The following DHX35 variants were observed in gnomAD, a reference collection of about 807,000 sequenced individuals.
DHX35 encodes DEAH-box helicase 35.
DHX35 carries 84 observed loss-of-function variants against 99.6 expected under a neutral mutation model. The observed-to-expected ratio is 0.84, with a 90% CI of 0.71 to 1.01. DHX35 has a LOEUF of 1.01. Among genes scored for constraint, DHX35 ranks in the 50% least tolerant of loss-of-function variants. The pLI, the probability that DHX35 is intolerant of heterozygous loss-of-function variation, is 0.00. For synonymous variants in DHX35, 331 were observed against 316.2 expected, an observed-to-expected ratio of 1.05 and a Z score of -0.50; for missense variants, 852 against 888.5, an observed-to-expected ratio of 0.96 and a Z score of 0.52.
intron 3 of DHX35, among the ~76,000 whole-genome samples, chr20:38,973,334 T>C (rs1252621036): frequency 2.0e-5 from 3 of 152,206 alleles, no homozygotes; most frequent in Non-Finnish European, 2.9e-5. Context: ...GACATATATG[T>C]AGGAAAGTAC....
intron 3 of DHX35, among the ~76,000 whole-genome samples, chr20:38,979,966 C>T (rs957120170): frequency 2.6e-5 from 4 of 151,998 alleles, no homozygotes; most frequent in Non-Finnish European, 5.9e-5. Flanking sequence ...AGCCAGAAGC[C>T]CAGATTTGGT....
At chr20:38,962,532 C>T in intron 1 of DHX35, 125 bp downstream of exon 1, 1 of 1,250,692 alleles carries the variant, frequency 8.0e-7, no homozygotes, top group Non-Finnish European at 1.1e-6. Context: ...GGCGCTGCCG[C>T]CTCTGTGCGG....
chr20:38,981,746 C>A (rs760763537), intron 3 of DHX35, among the ~76,000 whole-genome samples: 2 of 151,988 alleles, frequency 1.3e-5, no homozygotes, highest in Non-Finnish European at 2.9e-5. Flanking sequence ...AGTTTGAGAC[C>A]AGCCTGGCCA....
intron 4 of DHX35, among the ~76,000 whole-genome samples, chr20:38,984,810 T>A (rs2086225721): frequency 6.6e-6 from 1 of 152,146 alleles, no homozygotes; most frequent in Non-Finnish European, 1.5e-5. Flanking sequence ...TCATTACTCA[T>A]CATTAGTTAT....
intron 18 of DHX35, among the ~76,000 whole-genome samples, chr20:39,026,302 T>C (rs2086956665): frequency 6.6e-6 from 1 of 152,194 alleles, no homozygotes; most frequent in Admixed American, 6.5e-5. Context: ...TGTAACTTGC[T>C]GAAGTTACAC....
intron 8 of DHX35, 40 bp downstream of exon 8, chr20:38,994,920 C>T (rs1183084863): frequency 1.3e-6 from 2 of 1,579,684 alleles, no homozygotes; most frequent in Non-Finnish European, 1.7e-6. Context: ...TCCTCACAAA[C>T]ACTTTTGTCC....
chr20:38,978,094 T>C (rs2086110765), intron 3 of DHX35: 1 of 763,298 alleles, frequency 1.3e-6, no homozygotes, highest in Admixed American at 1.7e-5. Context: ...TCCACTAATA[T>C]GCACTGGCCC....
At chr20:39,034,350 C>G in intron 21 of DHX35, 33 bp downstream of exon 21, 1 of 1,518,280 alleles carries the variant, frequency 6.6e-7, no homozygotes, top group Non-Finnish European at 9.2e-7. Context: ...CCCCAGCCAC[C>G]TGTTCACAGC....
At chr20:38,971,277 C>A (rs528616219) in intron 2 of DHX35, among the ~76,000 whole-genome samples, 1 of 152,150 alleles carries the variant, frequency 6.6e-6, no homozygotes, top group Non-Finnish European at 1.5e-5. Flanking sequence ...CTCTTGAACC[C>A]GGGAGGTGGG....
intron 21 of DHX35, among the ~76,000 whole-genome samples, chr20:39,038,155 T>G (rs984364540): frequency 2.0e-5 from 3 of 152,264 alleles, no homozygotes; most frequent in Non-Finnish European, 4.4e-5. Context: ...CCCAGTCTCC[T>G]GAGCACAGTT....
chr20:38,966,936 G>A (rs775425467), intron 1 of DHX35, among the ~76,000 whole-genome samples: 1 of 152,152 alleles, frequency 6.6e-6, no homozygotes, highest in Non-Finnish European at 1.5e-5. Flanking sequence ...TTGAGGACAG[G>A]CATTGTTCCA....
chr20:39,010,277 C>A lies in DHX35; in HGVS notation c.1223-3C>A. The A allele has an allele frequency of 6.2e-7, 1 of 1,614,114 alleles. No homozygotes were observed. Among genetic ancestry groups the A allele is most frequent in the Non-Finnish European group, 8.5e-7 (1 of 1,179,982 alleles). On this transcript the variant is annotated splice_polypyrimidine_tract_variant and splice_region_variant and intron_variant, in intron 12 of 21. Transcript: ENST00000252011. ...CCAAACAGTTCTGATTTCCTATCCT[C>A]AGAGGAAGCCTTTGACAAGTTGCCT...
At chr20:39,026,938 C>T (rs2086966931) in intron 18 of DHX35, among the ~76,000 whole-genome samples, 1 of 152,162 alleles carries the variant, frequency 6.6e-6, no homozygotes, top group Non-Finnish European at 1.5e-5. Flanking sequence ...GTTTCATTAT[C>T]AGACCCCTGC....
chr20:38,966,982 G>A (rs1421271306), intron 1 of DHX35, among the ~76,000 whole-genome samples: 1 of 152,132 alleles, frequency 6.6e-6, no homozygotes, highest in Non-Finnish European at 1.5e-5. Context: ...TGAAAGGAAG[G>A]TCAACATTTT....
At chr20:38,975,201 AGACCTAGTAAAGGTAGAT>A (rs2086058581) in intron 3 of DHX35, among the ~76,000 whole-genome samples, 1 of 152,184 alleles carries the variant, frequency 6.6e-6, no homozygotes, top group Non-Finnish European at 1.5e-5. Context: ...AAAGGTAGAC[AGACCTAGTAAAGGTAGAT>A]GACCTAGTAA....
intron 6 of DHX35, among the ~76,000 whole-genome samples, 200 bp from the exon 7 acceptor site, chr20:38,992,155 CT>C: frequency 6.6e-6 from 1 of 152,168 alleles, no homozygotes; most frequent in Non-Finnish European, 1.5e-5. Context: ...CAATAGTACA[CT>C]TTTTAAAATT....
intron 17 of DHX35, 96 bp downstream of exon 17, chr20:39,023,863 T>C: frequency 9.9e-7 from 1 of 1,009,978 alleles, no homozygotes; most frequent in South Asian, 1.5e-5. Flanking sequence ...CGTAAAGGAA[T>C]GTCCAAGAGA....
chr20:38,988,793 C>T lies in DHX35; in HGVS notation c.346-20C>T. 1.9e-6 allele frequency: 3 copies of T among 1,612,960 alleles called. No individual in the cohort carries two copies. Among genetic ancestry groups the T allele is most frequent in the Non-Finnish European group, 2.5e-6 (3 of 1,179,406 alleles). Reference sequence around the variant, plus strand: ...GTAATTTCTATGTCTCTATTTTCAGCATGATCTTTCTTCCCAAAGGTTGCA... The same window carrying T: ...GTAATTTCTATGTCTCTATTTTCAGTATGATCTTTCTTCCCAAAGGTTGCA... On this transcript the variant is annotated intron_variant, in intron 4 of 21. Transcript: ENST00000252011.
intron 15 of DHX35, among the ~76,000 whole-genome samples, chr20:39,019,228 T>G (rs1303904869): frequency 2.6e-5 from 4 of 152,206 alleles, no homozygotes; most frequent in African/African-American, 9.7e-5. Flanking sequence ...CTCTATGAAT[T>G]TGACTGCTCT....
Sources: gnomAD v4.1 joint callset for allele counts (sites outside exome capture counted in the v4.1 genomes callset) on GRCh38, gnomAD v4.1.1 for gene constraint, MANE v1.5 for transcripts, NCBI Gene and HGNC (gene_info 2026-07-23, HGNC 2026-07-21) for gene names.